The following RHOBTB3 variants were observed in gnomAD, a reference collection of about 807,000 sequenced individuals.
RHOBTB3 encodes Rho related BTB domain containing 3.
In RHOBTB3, 47 loss-of-function variants were observed where a neutral mutation model predicts 67.2. The ratio of observed to expected loss-of-function variants is 0.70; its 90% CI spans 0.55 to 0.89. The LOEUF is 0.89. Ranked by LOEUF, RHOBTB3 falls within the 40% of genes least tolerant of loss-of-function variation. RHOBTB3 has a pLI of 0.00. For synonymous variants in RHOBTB3, 273 were observed against 274.2 expected (o/e 1.00, Z 0.04); for missense variants, 631 against 750.0 (o/e 0.84, Z 1.85).
chr5:95,791,615 A>T (rs1028272516), intron 11 of RHOBTB3, among the ~76,000 whole-genome samples: 2 of 152,216 alleles, frequency 1.3e-5, no homozygotes, highest in African/African-American at 4.8e-5. Context: ...GAGGTTAAAC[A>T]GTAGATGGAG....
chr5:95,735,259 C>CTTTTTTTTTT (rs10718378), intron 2 of RHOBTB3, among the ~76,000 whole-genome samples: 18 of 133,690 alleles, frequency 1.3e-4, no homozygotes, highest in Admixed American at 1.5e-4. Context: ...CATATTTTGC[C>CTTTTTTTTTT]TTTTTTTTTT....
chr5:95,767,964 A>G, intron 7 of RHOBTB3, 82 bp from the exon 8 acceptor site: 2 of 1,321,898 alleles, frequency 1.5e-6, no homozygotes, highest in Non-Finnish European at 2.2e-6. Flanking sequence ...ATTTAGCATA[A>G]TTTTCCAAAT....
At chr5:95,718,800 A>T (rs1446474606) in intron 1 of RHOBTB3, among the ~76,000 whole-genome samples, 1 of 152,220 alleles carries the variant, frequency 6.6e-6, no homozygotes, top group African/African-American at 2.4e-5. Context: ...TCAGTTGGAT[A>T]GGGAAGAAAA....
At chr5:95,787,263 T>G (rs562868869) in intron 10 of RHOBTB3, among the ~76,000 whole-genome samples, 1 of 152,298 alleles carries the variant, frequency 6.6e-6, no homozygotes, top group African/African-American at 2.4e-5. Flanking sequence ...AAGCTGAAGG[T>G]TCTTATTCTT....
chr5:95,785,078 A>ATG lies in RHOBTB3; in HGVS notation c.1623+1115_1623+1116insTG, dbSNP rs558354516. On this transcript the variant is annotated intron_variant, in intron 10 of 11. Transcript: ENST00000379982. ...CTTTTATCTCCATCCACATTGCTAA[A>ATG]ATGGAGCCACATGATGGGGCAAATT... 9.6e-4 allele frequency among the ~76,000 whole-genome samples: 146 copies of ATG among 152,322 alleles called. 4 individuals are homozygous for ATG. In the South Asian group the frequency reaches 0.029, roughly 31 times the overall value.
At chr5:95,744,411 A>T (rs965303547) in intron 3 of RHOBTB3, among the ~76,000 whole-genome samples, 1 of 151,986 alleles carries the variant, frequency 6.6e-6, no homozygotes, top group East Asian at 1.9e-4. Context: ...ATGTTATATT[A>T]TAACTGTTTG....
At chr5:95,731,188 T>C, upstream of RHOBTB3, 1 of 1,003,892 alleles carries the variant, frequency 1.0e-6, no homozygotes. Flanking sequence ...CCACCGGAGC[T>C]CCCGGGGCCT....
chr5:95,761,233 C>T (rs1369160863), intron 6 of RHOBTB3, among the ~76,000 whole-genome samples: 2 of 151,820 alleles, frequency 1.3e-5, no homozygotes, highest in Non-Finnish European at 2.9e-5. Flanking sequence ...TTATGTTCTT[C>T]TTTAGATTGG....
intron 2 of RHOBTB3, 83 bp downstream of exon 2, chr5:95,732,167 C>A: frequency 7.8e-7 from 1 of 1,275,680 alleles, no homozygotes; most frequent in Non-Finnish European, 1.1e-6. Flanking sequence ...TGCCCACTTC[C>A]GTGAGTGTGG....
chr5:95,776,567 A>T (rs1207284926), intron 8 of RHOBTB3, among the ~76,000 whole-genome samples: 1 of 152,158 alleles, frequency 6.6e-6, no homozygotes, highest in Non-Finnish European at 1.5e-5. Flanking sequence ...TATTAACCTC[A>T]TGAGCGGTTT....
chr5:95,720,434 T>A (rs918431993), intron 1 of RHOBTB3, among the ~76,000 whole-genome samples: 3 of 152,240 alleles, frequency 2.0e-5, no homozygotes, highest in Admixed American at 1.3e-4. Flanking sequence ...TTATATTAGA[T>A]CATAGTGAGT....
chr5:95,783,997 T>C (rs780430708), intron 10 of RHOBTB3, 34 bp downstream of exon 10: 1 of 1,488,590 alleles, frequency 6.7e-7, no homozygotes, highest in Non-Finnish European at 9.1e-7. Context: ...AGCCTAGTTT[T>C]TTATAAAATA....
intron 8 of RHOBTB3, among the ~76,000 whole-genome samples, chr5:95,775,413 TATATATATACAC>T (rs950887168): frequency 6.7e-6 from 1 of 148,608 alleles, no homozygotes; most frequent in Non-Finnish European, 1.5e-5. Flanking sequence ...TGTGTATATA[TATATATATACAC>T]ATATATATAC....
upstream of RHOBTB3, among the ~76,000 whole-genome samples, chr5:95,729,714 CTTTCTG>C (rs1215008037): frequency 1.3e-5 from 2 of 152,168 alleles, no homozygotes; most frequent in African/African-American, 4.8e-5. Flanking sequence ...CATGATTCTA[CTTTCTG>C]TTTCTAAGAG....
chr5:95,767,724 G>A (rs1745590040), intron 7 of RHOBTB3: 1 of 670,370 alleles, frequency 1.5e-6, no homozygotes, highest in African/African-American at 1.8e-5. Context: ...CATTTGTATG[G>A]AGTTGGACTA....
chr5:95,724,083 A>G (rs1199002455), intron 1 of RHOBTB3, among the ~76,000 whole-genome samples: 2 of 152,234 alleles, frequency 1.3e-5, no homozygotes, highest in Non-Finnish European at 2.9e-5. Flanking sequence ...GTTATTGTGA[A>G]TAAAGCTTTA....
At chr5:95,737,737 C>T (rs925453716) in intron 3 of RHOBTB3, among the ~76,000 whole-genome samples, 1 of 152,106 alleles carries the variant, frequency 6.6e-6, no homozygotes, top group African/African-American at 2.4e-5. Flanking sequence ...TGAGGTATTG[C>T]GAAGTAAAGG....
At chr5:95,735,363 C>G (rs1561438786) in intron 2 of RHOBTB3, among the ~76,000 whole-genome samples, 1 of 150,308 alleles carries the variant, frequency 6.7e-6, no homozygotes, top group Non-Finnish European at 1.5e-5. Flanking sequence ...TCTTGTTACT[C>G]TGAGTGTACT....
intron 1 of RHOBTB3, among the ~76,000 whole-genome samples, chr5:95,722,327 C>G (rs903038579): frequency 6.6e-6 from 1 of 152,060 alleles, no homozygotes; most frequent in African/African-American, 2.4e-5. Context: ...GATATACCAG[C>G]AAAGTATTAT....
Sources: allele counts gnomAD v4.1 joint callset (sites outside exome capture counted in the v4.1 genomes callset), GRCh38; gene constraint gnomAD v4.1.1; transcripts MANE v1.5; gene names NCBI Gene and HGNC (gene_info 2026-07-23, HGNC 2026-07-21).